ACTR5: variants seen among roughly 807,000 people sequenced by gnomAD.
ACTR5 encodes the protein actin related protein 5, also known as actin-related protein 5.
A neutral mutation model predicts 61.2 loss-of-function variants in ACTR5; 43 were observed. The observed-to-expected ratio is 0.70, with a 90% confidence interval of 0.55 to 0.91. ACTR5 has a LOEUF of 0.91. ACTR5 is among the 40% of genes least tolerant of loss of function. The pLI, the probability that ACTR5 is intolerant of heterozygous loss-of-function variation, is 0.00. For missense variants in ACTR5, 798 were observed against 782.2 expected, an observed-to-expected ratio of 1.02 and a Z score of -0.24; for synonymous variants, 333 against 310.5, an observed-to-expected ratio of 1.07 and a Z score of -0.76.
At chr20:38,769,097 G>A (rs888544386) in intron 8 of ACTR5, among the ~76,000 whole-genome samples, 8 of 152,062 alleles carry the variant, frequency 5.3e-5, no homozygotes, top group Non-Finnish European at 7.4e-5. Context: ...CCTTCCACCC[G>A]CTCGTCAGCC....
intron 5 of ACTR5, among the ~76,000 whole-genome samples, chr20:38,760,469 GAAAAC>G (rs955296698): frequency 2.6e-5 from 4 of 152,188 alleles, no homozygotes; most frequent in African/African-American, 9.7e-5. Context: ...CTGCAGGTGG[GAAAAC>G]AAAACAGATG....
intron 3 of ACTR5, among the ~76,000 whole-genome samples, chr20:38,753,510 A>G (rs1034457107): frequency 3.3e-5 from 5 of 152,138 alleles, no homozygotes; most frequent in Non-Finnish European, 5.9e-5. Context: ...CCATAGTGAT[A>G]GAGAAGAAGT....
intron 3 of ACTR5, among the ~76,000 whole-genome samples, chr20:38,753,873 C>CTTT (rs71330446): frequency 1.2e-3 from 135 of 116,766 alleles, no homozygotes; most frequent in African/African-American, 4.1e-3. Flanking sequence ...GTTATTCGAG[C>CTTT]TTTTTTTTTT....
intron 5 of ACTR5, among the ~76,000 whole-genome samples, chr20:38,764,770 A>T (rs2084475291): frequency 6.6e-6 from 1 of 152,204 alleles, no homozygotes. Context: ...TCCCAGGCTC[A>T]AGTGATCCTC....
At chr20:38,765,295 G>T in intron 5 of ACTR5, 107 bp from the exon 6 acceptor site, 1 of 803,620 alleles carries the variant, frequency 1.2e-6, no homozygotes. Flanking sequence ...TTTATGTAAG[G>T]TTTTAGAACA....
At chr20:38,753,873 C>CTTTTTTTTTTTTTTTTTTTTTTT (rs71330446) in intron 3 of ACTR5, among the ~76,000 whole-genome samples, 1 of 116,774 alleles carries the variant, frequency 8.6e-6, no homozygotes, top group African/African-American at 3.4e-5. Flanking sequence ...GTTATTCGAG[C>CTTTTTTTTTTTTTTTTTTTTTTT]TTTTTTTTTT....
intron 7 of ACTR5, among the ~76,000 whole-genome samples, chr20:38,766,595 G>A (rs1238710402): frequency 1.3e-5 from 2 of 152,178 alleles, no homozygotes; most frequent in Admixed American, 6.5e-5. Flanking sequence ...TAAATGCTGG[G>A]TTGACTGAGT....
At chr20:38,768,919 A>T (rs1353513567) in intron 8 of ACTR5, among the ~76,000 whole-genome samples, 1 of 152,194 alleles carries the variant, frequency 6.6e-6, no homozygotes, top group African/African-American at 2.4e-5. Flanking sequence ...AGTAAGATAT[A>T]TTTGACACTG....
chr20:38,771,505 A>C, intron 8 of ACTR5, 54 bp from the exon 9 acceptor site: 1 of 1,574,162 alleles, frequency 6.4e-7, no homozygotes, highest in East Asian at 2.2e-5. Context: ...AGCCAGGTCA[A>C]CATTCACTCC....
chr20:38,748,977 C>G, intron 1 of ACTR5, 124 bp downstream of exon 1: 1 of 1,231,356 alleles, frequency 8.1e-7, no homozygotes, highest in Non-Finnish European at 1.1e-6. Context: ...TTTAGTCGAC[C>G]AGATGCTAGG....
Position 38,748,755 on chromosome 20 carries a change from A to G in ACTR5, c.277A>G (p.Met93Val). 1 of 1,600,440 alleles carries G rather than the reference A, an allele frequency of 6.2e-7. No homozygotes were observed. Among genetic ancestry groups the G allele is most frequent in the Middle Eastern group, 2.1e-4 (1 of 4,762 alleles). ...ALGSLEPLRWMLRSPFDRNVP... is the reference protein window; with the variant it reads ...ALGSLEPLRWVLRSPFDRNVP... ...GGGCAGCCTGGAGCCACTGCGCTGGATGCTGCGCTCGCCCTTCGACCGCAA... is the reference window on the plus strand; with the variant it reads ...GGGCAGCCTGGAGCCACTGCGCTGGGTGCTGCGCTCGCCCTTCGACCGCAA... The change falls in exon 1 of 9, where the codon ATG (methionine) becomes GTG (valine). Residue 93 changes from methionine (M) to valine (V), a missense_variant. Transcript: ENST00000243903.
intron 5 of ACTR5, among the ~76,000 whole-genome samples, chr20:38,765,180 T>G (rs1056187943): frequency 6.6e-6 from 1 of 152,176 alleles, no homozygotes; most frequent in Non-Finnish European, 1.5e-5. Context: ...GAGGCTTGTA[T>G]AAAGTAGGAA....
At chr20:38,765,557 AG>A in intron 6 of ACTR5, 39 bp downstream of exon 6, 2 of 1,547,058 alleles carry the variant, frequency 1.3e-6, no homozygotes, top group Non-Finnish European at 1.8e-6. Flanking sequence ...TATTCTTTGA[AG>A]GTGTTGACCT....
chr20:38,758,775 A>G (rs1359675493), intron 5 of ACTR5, among the ~76,000 whole-genome samples: 2 of 152,212 alleles, frequency 1.3e-5, no homozygotes, highest in Non-Finnish European at 2.9e-5. Context: ...GACCATGACA[A>G]TGGCTAGCCA....
At position 38,750,008 on chromosome 20, in the gene ACTR5, A is replaced by T. The variant is rs760643640; in HGVS notation, c.376-2A>T. The T allele has an allele frequency of 2.5e-6, 4 of 1,611,500 alleles. No individual in the cohort carries two copies. The highest frequency in any genetic ancestry group is 2.2e-5 in the South Asian group (2 of 90,866). On this transcript the variant is annotated splice_acceptor_variant, in intron 1 of 8. Coordinates refer to ENST00000243903, the MANE Select transcript of ACTR5 (RefSeq NM_024855.4). LOFTEE classifies it high-confidence loss of function. ...TTTATTTGCCCTTTTCTTTCAAAGT[A>T]GGGCTGTGTTGATCATCCCATAGTT...
Position 38,750,190 on chromosome 20 carries a change from AT to A in ACTR5, c.559del (p.Ser187HisfsTer13). On this transcript the variant is annotated frameshift_variant, in exon 2 of 9. Coordinates refer to ENST00000243903, the MANE Select transcript of ACTR5 (RefSeq NM_024855.4). LOFTEE classifies it high-confidence loss of function. ...PKNSMCSGLI[I>X]SSGYQCTHVL... ...GAACTCGATGTGCAGTGGGCTAATCATTTCATCTGGATACCAGTGTACGCAT... is the reference window on the plus strand; with the variant it reads ...GAACTCGATGTGCAGTGGGCTAATCATTCATCTGGATACCAGTGTACGCAT... 6.2e-7 allele frequency: 1 copy of A among 1,614,224 alleles called. No homozygotes were observed. Among genetic ancestry groups the A allele is most frequent in the Non-Finnish European group, 8.5e-7 (1 of 1,180,036 alleles).
At chr20:38,759,367 A>G (rs1386250071) in intron 5 of ACTR5, among the ~76,000 whole-genome samples, 1 of 88,628 alleles carries the variant, frequency 1.1e-5, no homozygotes, top group Non-Finnish European at 2.7e-5. Context: ...ACCCTGGCAA[A>G]CTCTAGCGAG....
intron 5 of ACTR5, among the ~76,000 whole-genome samples, chr20:38,758,804 T>C (rs1010123366): frequency 6.6e-6 from 1 of 152,200 alleles, no homozygotes; most frequent in African/African-American, 2.4e-5. Context: ...ATTCAAAAAG[T>C]ATTTGTAGAG....
At chr20:38,768,390 T>C (rs2084500661) in intron 8 of ACTR5, among the ~76,000 whole-genome samples, 1 of 152,172 alleles carries the variant, frequency 6.6e-6, no homozygotes, top group Non-Finnish European at 1.5e-5. Context: ...GTAATCCTAC[T>C]TACAGCTGTG....
Sources: gnomAD v4.1 joint callset for allele counts (sites outside exome capture counted in the v4.1 genomes callset) on GRCh38, gnomAD v4.1.1 for gene constraint, MANE v1.5 for transcripts, NCBI Gene and HGNC (gene_info 2026-07-23, HGNC 2026-07-21) for gene names.